Variants in FAM20A observed in about 807,000 individuals in gnomAD.
The protein encoded by FAM20A is FAM20A golgi associated secretory pathway pseudokinase.
In FAM20A, 42 loss-of-function variants were observed where a neutral mutation model predicts 52.0. That is an observed-to-expected ratio of 0.81 (90% CI 0.63 to 1.04). FAM20A has a LOEUF of 1.04. Among genes scored for constraint, FAM20A ranks in the 50% least tolerant of loss-of-function variants. The pLI, the probability that FAM20A is intolerant of heterozygous loss-of-function variation, is 0.00. For missense variants in FAM20A, 742 were observed against 712.7 expected (o/e 1.04, Z -0.47); for synonymous variants, 304 against 298.9 (o/e 1.02, Z -0.18).
chr17:68,554,301 C>T (rs1466504880), intron 3 of FAM20A, among the ~76,000 whole-genome samples: 1 of 152,054 alleles, frequency 6.6e-6, no homozygotes, highest in Non-Finnish European at 1.5e-5. Flanking sequence ...CGGGTTTTCA[C>T]TGTTGGCCAG....
At chr17:68,545,402 C>T (rs377694923) in intron 4 of FAM20A, among the ~76,000 whole-genome samples, 183 of 152,316 alleles carry the variant, frequency 1.2e-3, no homozygotes, top group African/African-American at 4.1e-3. Context: ...TTTGGTTCCC[C>T]ACCCAAGGCA....
intron 1 of FAM20A, among the ~76,000 whole-genome samples, chr17:68,592,658 C>G (rs1352158080): frequency 1.3e-5 from 2 of 152,226 alleles, no homozygotes; most frequent in Non-Finnish European, 2.9e-5. Context: ...AAAATCTCAT[C>G]TCTTTCCACA....
rs529854620 is a variant in FAM20A at position 68,542,059 on chromosome 17, C to T, written c.1035G>A (p.Pro345=). ...LLEGSLSAFL[P]SLNLAPRLSV... is the part of the protein sequence containing the mutation. ...ACAGCCTGGGGGCCAGGTTGAGGGACGGCAGGAAGGCAGAGAGGGAACCCT... is the reference window on the plus strand; with the variant it reads ...ACAGCCTGGGGGCCAGGTTGAGGGATGGCAGGAAGGCAGAGAGGGAACCCT... Residue 345 remains proline (P), a synonymous_variant, in exon 7 of 11, where the codon CCG becomes CCA. Coordinates refer to ENST00000592554, the MANE Select transcript of FAM20A (RefSeq NM_017565.4). 136 of 1,614,078 alleles carry T rather than the reference C, an allele frequency of 8.4e-5. No homozygotes were observed. The highest frequency in any genetic ancestry group is 9.3e-5 in the African/African-American group (7 of 75,018).
intron 1 of FAM20A, among the ~76,000 whole-genome samples, chr17:68,571,103 G>A (rs2087523131): frequency 6.6e-6 from 1 of 152,140 alleles, no homozygotes; most frequent in Non-Finnish European, 1.5e-5. Context: ...CAAATAGTGA[G>A]AGGAAAATGA....
At chr17:68,557,809 G>A (rs1021610168) in intron 1 of FAM20A, among the ~76,000 whole-genome samples, 2 of 152,238 alleles carry the variant, frequency 1.3e-5, no homozygotes, top group African/African-American at 4.8e-5. Context: ...CGTAACCCAA[G>A]ACTGAAAATC....
intron 1 of FAM20A, among the ~76,000 whole-genome samples, chr17:68,561,864 C>G (rs1486817228): frequency 6.6e-6 from 1 of 151,940 alleles, no homozygotes; most frequent in Non-Finnish European, 1.5e-5. Flanking sequence ...CCTCTGTCAC[C>G]CAGGCTGGAG....
intron 7 of FAM20A, chr17:68,541,754 T>G (rs749788949): frequency 4.2e-6 from 2 of 481,320 alleles, no homozygotes; most frequent in Non-Finnish European, 7.4e-6. Flanking sequence ...CTTCCATTTC[T>G]GTATCCCATA....
chr17:68,575,210 T>C (rs1317569650), intron 1 of FAM20A: 1 of 151,332 alleles, frequency 6.6e-6, no homozygotes, highest in Non-Finnish European at 1.5e-5. Context: ...TATGTTGTTT[T>C]AGGCCAGTCA....
chr17:68,558,011 G>A (rs1242815574), intron 1 of FAM20A, among the ~76,000 whole-genome samples: 1 of 152,052 alleles, frequency 6.6e-6, no homozygotes, highest in African/African-American at 2.4e-5. Context: ...TGATTGAATC[G>A]CATGAGCCCT....
chr17:68,555,954 T>C (rs1485877838), intron 1 of FAM20A, among the ~76,000 whole-genome samples: 1 of 152,220 alleles, frequency 6.6e-6, no homozygotes, highest in African/African-American at 2.4e-5. Flanking sequence ...TACACTCTAG[T>C]GAGCAAAACA....
chr17:68,567,840 G>A (rs937287248), intron 1 of FAM20A, among the ~76,000 whole-genome samples: 2 of 151,908 alleles, frequency 1.3e-5, no homozygotes, highest in African/African-American at 4.9e-5. Context: ...GAGTTCTCAA[G>A]AGAGCTGATG....
rs1184164738 is a variant in FAM20A, at chr17:68,535,921, A to AT, written c.*1555dup. ...TAGGTCTAAACCACTAAATTGTGTG[A>AT]TTTTGCTTACTCTCTCTGAGATTTA... is the stretch of plus-strand genomic sequence containing the variant. On this transcript the variant is annotated 3_prime_UTR_variant, in exon 11 of 11. Coordinates refer to ENST00000592554, the MANE Select transcript of FAM20A (RefSeq NM_017565.4). 6.6e-6 allele frequency: 3 copies of AT among 454,020 alleles called. No homozygotes were observed. The highest frequency in any genetic ancestry group is 8.8e-6 in the Non-Finnish European group (2 of 226,782). 28.1% of individuals were successfully genotyped at this position (454,020 alleles called of 1,614,324 possible). A position where few individuals can be genotyped will look rare whatever the true frequency, so the allele number is the denominator to read the frequency against.
intron 1 of FAM20A, among the ~76,000 whole-genome samples, chr17:68,556,680 G>A (rs949059323): frequency 2.0e-5 from 3 of 152,158 alleles, no homozygotes; most frequent in African/African-American, 7.2e-5. Context: ...ATCTGGGGAT[G>A]AGAGAGGCAG....
chr17:68,572,017 T>TATATATATAATATATATATATATATATA (rs2087571502), intron 1 of FAM20A, among the ~76,000 whole-genome samples: 1 of 117,100 alleles, frequency 8.5e-6, no homozygotes, highest in African/African-American at 3.4e-5. Context: ...TATATATATA[T>TATATATATAATATATATATATATATATA]ATATATATAT....
At chr17:68,555,391 C>T (rs1428889786) in intron 2 of FAM20A, among the ~76,000 whole-genome samples, 168 bp downstream of exon 2, 1 of 152,152 alleles carries the variant, frequency 6.6e-6, no homozygotes, top group Non-Finnish European at 1.5e-5. Flanking sequence ...ATGAGATTAT[C>T]GCTATAGGAT....
intron 1 of FAM20A, among the ~76,000 whole-genome samples, chr17:68,564,714 G>C (rs1242345759): frequency 6.6e-6 from 1 of 152,210 alleles, no homozygotes; most frequent in Non-Finnish European, 1.5e-5. Flanking sequence ...GTGTCTGCAG[G>C]CATGGGGATG....
At chr17:68,587,205 A>G (rs1319093091) in intron 1 of FAM20A, among the ~76,000 whole-genome samples, 1 of 152,108 alleles carries the variant, frequency 6.6e-6, no homozygotes, top group Non-Finnish European at 1.5e-5. Context: ...ACTGACCTCC[A>G]ATGTTTTGGG....
intron 1 of FAM20A, among the ~76,000 whole-genome samples, chr17:68,569,067 A>C (rs2087466305): frequency 6.6e-6 from 1 of 151,910 alleles, no homozygotes; most frequent in South Asian, 2.1e-4. Flanking sequence ...TACAATTCTG[A>C]AAGCTTCTGT....
chr17:68,579,313 T>G (rs2087875867), intron 1 of FAM20A, among the ~76,000 whole-genome samples: 1 of 152,104 alleles, frequency 6.6e-6, no homozygotes, highest in Non-Finnish European at 1.5e-5. Context: ...GCCACCCACC[T>G]GCACGAGACC....
Sources: gnomAD v4.1 joint callset for allele counts (sites outside exome capture counted in the v4.1 genomes callset) on GRCh38, gnomAD v4.1.1 for gene constraint, MANE v1.5 for transcripts, NCBI Gene and HGNC (gene_info 2026-07-23, HGNC 2026-07-21) for gene names.